The following RBFOX1 variants were observed in gnomAD, a reference collection of about 807,000 sequenced individuals.
RBFOX1 encodes the protein RNA binding fox-1 homolog 1.
A neutral mutation model predicts 57.7 loss-of-function variants in RBFOX1; 8 were observed. The ratio of observed to expected loss-of-function variants is 0.14; its 90% confidence interval spans 0.08 to 0.25. The LOEUF (loss-of-function observed/expected upper bound fraction) is 0.25, where lower values mean the gene tolerates loss of function less well. Ranked by LOEUF, RBFOX1 falls within the 10% of genes least tolerant of loss-of-function variation. The probability of loss-of-function intolerance (pLI) is 1.00; values close to 1 mark genes in which losing one functional copy is unlikely to be tolerated. For synonymous variants in RBFOX1, 326 were observed against 222.4 expected (o/e 1.47, Z -4.15); for missense variants, 611 against 548.5 (o/e 1.11, Z -1.14).
intron 3 of RBFOX1, among the ~76,000 whole-genome samples, chr16:5,752,326 G>T (rs1036017276): frequency 1.8e-4 from 28 of 152,150 alleles, no homozygotes; most frequent in African/African-American, 4.8e-4. Flanking sequence ...ACAACTAATA[G>T]ATACTAGGCT....
intron 3 of RBFOX1, among the ~76,000 whole-genome samples, chr16:6,887,533 C>T (rs1306832541): frequency 6.6e-6 from 1 of 151,760 alleles, no homozygotes; most frequent in African/African-American, 2.4e-5. Context: ...TTCCCTATAT[C>T]TGTTTATAGA....
intron 1 of RBFOX1, among the ~76,000 whole-genome samples, chr16:6,073,051 A>G (rs1304412549): frequency 6.6e-6 from 1 of 152,214 alleles, no homozygotes; most frequent in Non-Finnish European, 1.5e-5. Flanking sequence ...TCTCAGACAC[A>G]TTTTGTGACT....
chr16:6,357,550 G>A (rs536695825), intron 2 of RBFOX1, among the ~76,000 whole-genome samples: 2 of 151,330 alleles, frequency 1.3e-5, no homozygotes, highest in Non-Finnish European at 2.9e-5. Context: ...CTGCACAAGC[G>A]CTCTCTCTCT....
intron 4 of RBFOX1, among the ~76,000 whole-genome samples, chr16:7,454,989 A>G (rs2058207857): frequency 6.6e-6 from 1 of 152,136 alleles, no homozygotes; most frequent in Admixed American, 6.5e-5. Context: ...CCCATTTTTT[A>G]TGATTTTGCT....
intron 4 of RBFOX1, among the ~76,000 whole-genome samples, chr16:5,904,262 T>G (rs1181284585): frequency 6.6e-6 from 1 of 152,100 alleles, no homozygotes; most frequent in Admixed American, 6.6e-5. Flanking sequence ...TGTGGGAATT[T>G]ATTAAATAAG....
rs544182647 is a variant in RBFOX1, at chr16:6,077,575, C to G, written c.-127+57583C>G. Among the ~76,000 whole-genome samples, 100 of 152,258 alleles carry G rather than the reference C, an allele frequency of 6.6e-4. 1 individual carries two copies. Among genetic ancestry groups the G allele is most frequent in the African/African-American group, 2.4e-3 (98 of 41,554 alleles). ...TTTCTATGGAAAATTGCTCTTAAAACAAACCTCCTTAAGTTATATATACTT... is the reference window on the plus strand; with the variant it reads ...TTTCTATGGAAAATTGCTCTTAAAAGAAACCTCCTTAAGTTATATATACTT... On this transcript the variant is annotated intron_variant, in intron 1 of 15. Transcript: ENST00000550418.
intron 3 of RBFOX1, among the ~76,000 whole-genome samples, chr16:5,730,929 G>A (rs369609694): frequency 1.4e-5 from 2 of 147,802 alleles, no homozygotes; most frequent in Non-Finnish European, 3.1e-5. Flanking sequence ...CATTGTCACT[G>A]GTGTCACCAT....
intron 2 of RBFOX1, among the ~76,000 whole-genome samples, chr16:6,387,311 C>A (rs2092346538): frequency 6.6e-6 from 1 of 152,062 alleles, no homozygotes; most frequent in Non-Finnish European, 1.5e-5. Context: ...CTCCCCATTG[C>A]TATTTTGGAA....
rs1220864712 is a variant in RBFOX1 at position 5,658,784 on chromosome 16, A to ATATATG, written c.318+59828_318+59829insGTATAT. On this transcript the variant is annotated intron_variant, in intron 3 of 19. Transcript: ENST00000641259. ...TGTGTATGTATATATGTATATATGT[A>ATATATG]TATATATAATATATGTGTATATATG... Among the ~76,000 whole-genome samples the ATATATG allele has an allele frequency of 6.1e-4, 80 of 131,812 alleles. No homozygotes were observed. The East Asian group carries it at 0.017, about 29-fold the overall frequency. 86.5% of individuals were successfully genotyped at this position (131,812 alleles called of 152,430 possible). A position where few individuals can be genotyped will look rare whatever the true frequency, so the allele number is the denominator to read the frequency against.
At chr16:7,288,966 G>T (rs2095705472) in intron 4 of RBFOX1, among the ~76,000 whole-genome samples, 1 of 152,342 alleles carries the variant, frequency 6.6e-6, no homozygotes, top group East Asian at 1.9e-4. Flanking sequence ...TTGGAGAAAA[G>T]AAAGTGACAG....
At chr16:5,494,274 C>T (rs2042928801) in intron 2 of RBFOX1, among the ~76,000 whole-genome samples, 1 of 152,192 alleles carries the variant, frequency 6.6e-6, no homozygotes, top group African/African-American at 2.4e-5. Flanking sequence ...ATTCGGATTC[C>T]AGTCTTGCCT....
At chr16:5,607,035 G>A (rs1041900447) in intron 3 of RBFOX1, among the ~76,000 whole-genome samples, 1 of 152,122 alleles carries the variant, frequency 6.6e-6, no homozygotes, top group African/African-American at 2.4e-5. Flanking sequence ...GATCTCCCTG[G>A]GACCTGGCTT....
intron 10 of RBFOX1, among the ~76,000 whole-genome samples, chr16:7,627,187 CAAA>C (rs139069709): frequency 4.0e-4 from 33 of 82,744 alleles, no homozygotes; most frequent in Admixed American, 6.7e-4. Context: ...TTCTATTTGA[CAAA>C]AAAAAAAAAA....
chr16:6,482,658 A>T (rs1418668636), intron 2 of RBFOX1, among the ~76,000 whole-genome samples: 4 of 152,182 alleles, frequency 2.6e-5, no homozygotes, highest in African/African-American at 9.7e-5. Flanking sequence ...GTGGAAAAAG[A>T]GTTGAGATCC....
At chr16:5,250,131 C>A (rs201022219) in intron 1 of RBFOX1, among the ~76,000 whole-genome samples, 79 of 141,666 alleles carry the variant, frequency 5.6e-4, no homozygotes, top group South Asian at 9.1e-4. Context: ...TGTGTCTCAA[C>A]AAAAAAAAAA....
At chr16:6,072,894 A>T (rs1443313263) in intron 1 of RBFOX1, among the ~76,000 whole-genome samples, 1 of 152,154 alleles carries the variant, frequency 6.6e-6, no homozygotes, top group Non-Finnish European at 1.5e-5. Context: ...GATTGTGGGG[A>T]TGGTTTCACA....
intron 2 of RBFOX1, among the ~76,000 whole-genome samples, chr16:6,349,624 G>T (rs1334573753): frequency 6.6e-6 from 1 of 152,194 alleles, no homozygotes; most frequent in Non-Finnish European, 1.5e-5. Context: ...CTTGCAGAGA[G>T]TGCAGGTACA....
chr16:5,268,476 T>C (rs1179695015), intron 1 of RBFOX1, among the ~76,000 whole-genome samples: 1 of 152,258 alleles, frequency 6.6e-6, no homozygotes, highest in Non-Finnish European at 1.5e-5. Flanking sequence ...GTCAAGATTA[T>C]ACGTGCAAAT....
chr16:7,501,777 C>A (rs1289285943), intron 4 of RBFOX1, among the ~76,000 whole-genome samples: 5 of 152,218 alleles, frequency 3.3e-5, no homozygotes, highest in Admixed American at 3.3e-4. Flanking sequence ...GAAAACCTTA[C>A]CTGATAAATC....
Sources: gnomAD v4.1 joint callset for allele counts (sites outside exome capture counted in the v4.1 genomes callset) on GRCh38, gnomAD v4.1.1 for gene constraint, MANE v1.5 for transcripts, NCBI Gene and HGNC (gene_info 2026-07-23, HGNC 2026-07-21) for gene names.